Variants in NHSL2 observed in about 807,000 individuals in gnomAD.
NHSL2 encodes NHS-like protein 2.
Under a neutral mutation model 53.4 loss-of-function variants are expected in NHSL2, and 27 were observed. The ratio of observed to expected loss-of-function variants is 0.51; its 90% confidence interval spans 0.37 to 0.70. NHSL2 has a LOEUF of 0.70. Among genes scored for constraint, NHSL2 ranks in the 30% least tolerant of loss-of-function variants. The probability of loss-of-function intolerance (pLI) is 0.00; values close to 1 mark genes in which losing one functional copy is unlikely to be tolerated. For missense variants in NHSL2, 892 were observed against 980.1 expected (o/e 0.91, Z 1.20); for synonymous variants, 408 against 404.1 (o/e 1.01, Z -0.12).
chrX:72,028,783 A>T (rs1422696035), intron 1 of NHSL2, among the ~76,000 whole-genome samples: 1 of 112,690 alleles, frequency 8.9e-6, no homozygotes, highest in Non-Finnish European at 1.9e-5. Flanking sequence ...ACAGGGATCC[A>T]CAAGTTCAGC....
intron 1 of NHSL2, among the ~76,000 whole-genome samples, chrX:72,051,056 G>A (rs747280157): frequency 2.7e-5 from 3 of 111,573 alleles, no homozygotes; most frequent in African/African-American, 9.8e-5. Flanking sequence ...ATTTGGTTTT[G>A]CACTTTTAAA....
intron 1 of NHSL2, among the ~76,000 whole-genome samples, chrX:72,111,273 G>A (rs1394786681): frequency 1.8e-5 from 2 of 112,545 alleles, no homozygotes; most frequent in Non-Finnish European, 3.8e-5. Context: ...GGCCATAAAG[G>A]TTTATGTGGG....
chrX:71,911,324 T>G lies in NHSL2; in HGVS notation c.237T>G (p.Leu79=), dbSNP rs2041600766. 1 of 1,120,066 alleles carries G rather than the reference T, an allele frequency of 8.9e-7. No homozygotes were observed. Among genetic ancestry groups the G allele is most frequent in the Admixed American group, 2.8e-5 (1 of 36,138 alleles). The allele number at this position is 1,120,066 out of a possible 1,213,427, so 92.3% of individuals were successfully genotyped here. A position where few individuals can be genotyped will look rare whatever the true frequency, so the allele number is the denominator to read the frequency against. ...YRRTVRLRRR[L]PCRLLGPEED... is the part of the protein sequence containing the mutation. Reference sequence around the variant, plus strand: ...GCACCGTGCGCCTCCGCCGCCGCCTTCCCTGCCGCCTGCTTGGCCCGGAGG... The same window carrying G: ...GCACCGTGCGCCTCCGCCGCCGCCTGCCCTGCCGCCTGCTTGGCCCGGAGG... The change falls in exon 1 of 8, where the codon CTT becomes CTG. Residue 79 remains leucine (L), a synonymous_variant. Coordinates refer to ENST00000633930, the MANE Select transcript of NHSL2 (RefSeq NM_001013627.3).
intron 1 of NHSL2, among the ~76,000 whole-genome samples, chrX:72,051,022 A>G (rs1177803440): frequency 1.8e-5 from 2 of 111,880 alleles, no homozygotes; most frequent in South Asian, 7.3e-4. Context: ...GGCTATGTTT[A>G]TGCATCCATA....
chrX:71,994,798 TG>T (rs2042042801), intron 1 of NHSL2, among the ~76,000 whole-genome samples: 2 of 111,467 alleles, frequency 1.8e-5, no homozygotes, highest in South Asian at 3.8e-4. Flanking sequence ...AGACTGGTGA[TG>T]GGGGGCCAGC....
At chrX:71,988,870 C>T (rs987925980) in intron 1 of NHSL2, among the ~76,000 whole-genome samples, 2 of 111,872 alleles carry the variant, frequency 1.8e-5, no homozygotes, top group African/African-American at 6.5e-5. Context: ...ATGGCTACTC[C>T]ATAGGCAGAG....
intron 1 of NHSL2, among the ~76,000 whole-genome samples, chrX:72,039,386 AT>A (rs1284414190): frequency 9.0e-6 from 1 of 111,036 alleles, no homozygotes; most frequent in East Asian, 2.8e-4. Flanking sequence ...TTATTTAACC[AT>A]TTTCCAGTTG....
At chrX:72,131,015 C>A in intron 1 of NHSL2, 1 of 1,210,861 alleles carries the variant, frequency 8.3e-7, no homozygotes, top group Non-Finnish European at 1.1e-6. Flanking sequence ...ACCTCATGGT[C>A]GGCTATGAAG....
intron 1 of NHSL2, chrX:72,130,838 G>A (rs1389578223): frequency 8.3e-7 from 1 of 1,211,834 alleles, no homozygotes; most frequent in Non-Finnish European, 1.1e-6. Context: ...TTAGCCACAC[G>A]TGGGGGGATG....
chrX:72,002,881 T>C (rs1227129076), intron 1 of NHSL2, among the ~76,000 whole-genome samples: 1 of 111,194 alleles, frequency 9.0e-6, no homozygotes, highest in African/African-American at 3.3e-5. Flanking sequence ...CTGAGCATCC[T>C]AGGTAGCCCA....
chrX:72,062,089 T>C (rs1209655064), intron 1 of NHSL2, among the ~76,000 whole-genome samples: 1 of 112,562 alleles, frequency 8.9e-6, no homozygotes, highest in African/African-American at 3.2e-5. Context: ...ATAGGCTCAA[T>C]AAAATCTATT....
At chrX:72,106,136 G>T (rs1260523021) in intron 1 of NHSL2, among the ~76,000 whole-genome samples, 1 of 110,978 alleles carries the variant, frequency 9.0e-6, no homozygotes, top group African/African-American at 3.3e-5. Flanking sequence ...GTGAACCCCG[G>T]GGGGGCAGAG....
At chrX:71,946,486 G>A (rs963571724) in intron 1 of NHSL2, among the ~76,000 whole-genome samples, 2 of 111,612 alleles carry the variant, frequency 1.8e-5, no homozygotes, top group East Asian at 2.8e-4. Flanking sequence ...GTGCCAGGCC[G>A]AGGACCAAGC....
intron 1 of NHSL2, among the ~76,000 whole-genome samples, chrX:72,055,810 C>G (rs1296304233): frequency 1.8e-5 from 2 of 112,175 alleles, no homozygotes; most frequent in Non-Finnish European, 3.8e-5. Context: ...CGCAAATGTT[C>G]CGAACCTTGA....
intron 1 of NHSL2, among the ~76,000 whole-genome samples, chrX:71,921,012 T>C (rs1235610975): frequency 1.0e-4 from 11 of 108,894 alleles, no homozygotes; most frequent in Non-Finnish European, 1.3e-4. Context: ...GCCATGTTGG[T>C]CAGGCTGGTC....
At chrX:71,984,046 G>T (rs756267668) in intron 1 of NHSL2, among the ~76,000 whole-genome samples, 1 of 111,566 alleles carries the variant, frequency 9.0e-6, no homozygotes, top group Non-Finnish European at 1.9e-5. Flanking sequence ...TGGAGTTGCT[G>T]TGGTTCAAAC....
At chrX:72,124,958 G>T (rs1480952662) in intron 1 of NHSL2, among the ~76,000 whole-genome samples, 3 of 111,806 alleles carry the variant, frequency 2.7e-5, no homozygotes, top group Non-Finnish European at 5.6e-5. Context: ...GTGCAACTTT[G>T]TCCCCTTCCA....
At chrX:71,985,918 T>A (rs963531161) in intron 1 of NHSL2, among the ~76,000 whole-genome samples, 1 of 112,198 alleles carries the variant, frequency 8.9e-6, no homozygotes, top group Non-Finnish European at 1.9e-5. Context: ...AGACAACAAT[T>A]GCCTGTGGAT....
chrX:71,924,573 G>A (rs2041675333), intron 1 of NHSL2, among the ~76,000 whole-genome samples: 1 of 112,053 alleles, frequency 8.9e-6, no homozygotes, highest in African/African-American at 3.2e-5. Context: ...AGAAGTTAGA[G>A]GTCTCTTCCT....
Sources: allele counts gnomAD v4.1 joint callset (sites outside exome capture counted in the v4.1 genomes callset), GRCh38; gene constraint gnomAD v4.1.1; transcripts MANE v1.5; gene names NCBI Gene and HGNC (gene_info 2026-07-23, HGNC 2026-07-21).